Variants in RAI1 observed in about 807,000 individuals in gnomAD.
The protein encoded by RAI1 is retinoic acid-induced protein 1.
A neutral mutation model predicts 123.8 loss-of-function variants in RAI1; 9 were observed. The ratio of observed to expected loss-of-function variants is 0.07; its 90% CI spans 0.04 to 0.13. The LOEUF (loss-of-function observed/expected upper bound fraction) is 0.13, where lower values mean the gene tolerates loss of function less well. Ranked by LOEUF, RAI1 falls within the 10% of genes least tolerant of loss-of-function variation. The pLI is 1.00. For synonymous variants in RAI1, 1,231 were observed against 1,127.3 expected, an observed-to-expected ratio of 1.09 and a Z score of -1.84; for missense variants, 2,256 against 2,545.8, an observed-to-expected ratio of 0.89 and a Z score of 2.45.
At chr17:17,721,866 G>A (rs916109496) in intron 1 of RAI1, among the ~76,000 whole-genome samples, 1 of 152,200 alleles carries the variant, frequency 6.6e-6, no homozygotes, top group Non-Finnish European at 1.5e-5. Flanking sequence ...CTTCTGGTAG[G>A]GAGGGCTGCT....
rs540448808 is a variant in RAI1, at chr17:17,716,092, C to T, written c.-148-7936C>T. On this transcript the variant is annotated intron_variant, in intron 1 of 5. Transcript: ENST00000353383. Reference sequence around the variant, plus strand: ...CCAGGCAGGAGCTGTAGCCACCAGTCGGGACAAAGTCAGGGGACTTGAGAG... The same window carrying T: ...CCAGGCAGGAGCTGTAGCCACCAGTTGGGACAAAGTCAGGGGACTTGAGAG... Among the ~76,000 whole-genome samples the T allele has an allele frequency of 8.3e-4, 126 of 152,284 alleles. 1 individual carries two copies. Among genetic ancestry groups the T allele is most frequent in the African/African-American group, 2.8e-3 (118 of 41,550 alleles).
chr17:17,733,306 A>G (rs1424324342), intron 2 of RAI1, among the ~76,000 whole-genome samples: 1 of 152,232 alleles, frequency 6.6e-6, no homozygotes, highest in Non-Finnish European at 1.5e-5. Context: ...GCCAGAAAGA[A>G]AAAGAAAGGG....
chr17:17,806,403 A>G lies in RAI1; in HGVS notation c.5659+2554A>G, dbSNP rs143523697. Reference sequence around the variant, plus strand: ...GACTGGGAATGCTGCAAATGGAGACATACACCTCAGAGACTGAGTTGGCAC... The same window carrying G: ...GACTGGGAATGCTGCAAATGGAGACGTACACCTCAGAGACTGAGTTGGCAC... On this transcript the variant is annotated intron_variant, in intron 4 of 5. Transcript: ENST00000353383. Among the ~76,000 whole-genome samples the G allele has an allele frequency of 4.0e-4, 61 of 152,360 alleles. No individual in the cohort carries two copies. In the Middle Eastern group the frequency reaches 0.01, roughly 25 times the overall value.
chr17:17,776,710 C>G (rs1335496802), intron 2 of RAI1: 1 of 135,028 alleles, frequency 7.4e-6, no homozygotes, highest in Non-Finnish European at 1.5e-5. Context: ...CTCTGTCGCC[C>G]AGACTGTGCA....
rs550868299 is a variant in RAI1 at position 17,811,279 on chromosome 17, CTG to C, written c.*1300_*1301del. On this transcript the variant is annotated 3_prime_UTR_variant, in exon 6 of 6. Coordinates refer to ENST00000353383, the MANE Select transcript of RAI1 (RefSeq NM_030665.4). The stretch of plus-strand genomic sequence containing the variant: ...TACATATATATAATATATATGAAGA[CTG>C]TAAATGTTAAGACGACTAGTGTTCT... 11 of 312,050 alleles carry C rather than the reference CTG, an allele frequency of 3.5e-5. No individual in the cohort carries two copies. The highest frequency in any genetic ancestry group is 1.0e-4 in the East Asian group (1 of 10,000). The allele number at this position is 312,050 out of a possible 1,614,324, so 19.3% of individuals were successfully genotyped here. A position where few individuals can be genotyped will look rare whatever the true frequency, so the allele number is the denominator to read the frequency against.
chr17:17,692,687 A>G (rs775461033), intron 1 of RAI1, among the ~76,000 whole-genome samples: 4 of 152,266 alleles, frequency 2.6e-5, no homozygotes, highest in Non-Finnish European at 5.9e-5. Flanking sequence ...TCAGACAGCC[A>G]TGAGCTTGGC....
In RAI1 at chr17:17,795,002, G is replaced by A. The variant is rs2032177356; in HGVS notation, c.2054G>A (p.Gly685Glu). The change falls in exon 3 of 6, where the codon GGG (glycine) becomes GAG (glutamate). Residue 685 changes from glycine (G) to glutamate (E), a missense_variant. Coordinates refer to ENST00000353383, the MANE Select transcript of RAI1 (RefSeq NM_030665.4). The surrounding 1 kb of genome is among the most constrained non-coding windows in gnomAD (Gnocchi z 5.9). Reference protein sequence around the residue: ...KGGNAKDFSPGLFEDPSVAFA... With the variant: ...KGGNAKDFSPELFEDPSVAFA... ...GGCAATGCCAAGGACTTCAGCCCAG[G>A]GCTGTTTGAAGACCCTTCCGTGGCC... 2 of 1,613,964 alleles carry A rather than the reference G, an allele frequency of 1.2e-6. No homozygotes were observed. The highest frequency in any genetic ancestry group is 3.3e-5 in the Admixed American group (2 of 60,010).
At chr17:17,807,666 TG>T (rs1295029774) in intron 4 of RAI1, among the ~76,000 whole-genome samples, 1 of 152,206 alleles carries the variant, frequency 6.6e-6, no homozygotes, top group African/African-American at 2.4e-5. Flanking sequence ...GGGGTGGTGC[TG>T]GGGCAGTGCT....
intron 1 of RAI1, among the ~76,000 whole-genome samples, chr17:17,720,234 AT>A (rs936591794): frequency 6.6e-6 from 1 of 152,340 alleles, no homozygotes; most frequent in East Asian, 1.9e-4. Context: ...GAAAGCAGCT[AT>A]TGAGATAGTG....
At chr17:17,775,268 A>G (rs1266415229) in intron 2 of RAI1, among the ~76,000 whole-genome samples, 1 of 150,168 alleles carries the variant, frequency 6.7e-6, no homozygotes, top group African/African-American at 2.5e-5. Flanking sequence ...CGGTGGCACA[A>G]TCTCTGCTCA....
chr17:17,789,327 C>T (rs75635000), intron 2 of RAI1, among the ~76,000 whole-genome samples: 2,795 of 152,322 alleles, frequency 0.018, 86 homozygotes, highest in African/African-American at 0.063. Flanking sequence ...TTAATCAAAC[C>T]GTTGTTCAAG....
At chr17:17,706,101 C>A (rs552058469) in intron 1 of RAI1, among the ~76,000 whole-genome samples, 3 of 151,376 alleles carry the variant, frequency 2.0e-5, no homozygotes, top group Non-Finnish European at 2.9e-5. Context: ...CCTGAGGTAG[C>A]GCACAGGCCA....
In RAI1 at chr17:17,809,146, G is replaced by C. The variant is rs2032654680; in HGVS notation, c.5660-244G>C. On this transcript the variant is annotated intron_variant, in intron 4 of 5. Coordinates refer to ENST00000353383, the MANE Select transcript of RAI1 (RefSeq NM_030665.4). This position sits in a 1 kb window ranked among gnomAD's most constrained non-coding sequence, Gnocchi z 4.9. ...AGGAGGGGCGGCACGTGGAACTCAGGGGGAAAAGCTCTCCGCGGAGGAGGT... is the reference window on the plus strand; with the variant it reads ...AGGAGGGGCGGCACGTGGAACTCAGCGGGAAAAGCTCTCCGCGGAGGAGGT... The C allele has an allele frequency of 3.4e-6, 2 of 592,920 alleles. No homozygotes were observed. Among genetic ancestry groups the C allele is most frequent in the Non-Finnish European group, 6.1e-6 (2 of 327,252 alleles). The allele number at this position is 592,920 out of a possible 1,614,324, so 36.7% of individuals were successfully genotyped here.
rs759606531 is a variant in RAI1 at position 17,685,843 on chromosome 17, T to C, written c.-149+4050T>C. Among the ~76,000 whole-genome samples, 45 of 152,192 alleles carry C rather than the reference T, an allele frequency of 3.0e-4. No homozygotes were observed. Among genetic ancestry groups the C allele is most frequent in the Non-Finnish European group, 5.6e-4 (38 of 68,034 alleles). ...GTCCCCTCCAGCCACAGCTGGCACC[T>C]CCTTGTTAAGGTGCAGCCATGTGCA... On this transcript the variant is annotated intron_variant, in intron 1 of 5. Coordinates refer to ENST00000353383, the MANE Select transcript of RAI1 (RefSeq NM_030665.4). The surrounding 1 kb of genome is among the most constrained non-coding windows in gnomAD (Gnocchi z 4.0).
chr17:17,686,324 G>A (rs1189319616), intron 1 of RAI1, among the ~76,000 whole-genome samples: 2 of 151,438 alleles, frequency 1.3e-5, no homozygotes, highest in African/African-American at 4.9e-5. Context: ...TGGTGGGGTC[G>A]GGGGGCAGGG....
At chr17:17,688,491 A>AAT (rs201487071) in intron 1 of RAI1, among the ~76,000 whole-genome samples, 9,191 of 120,122 alleles carry the variant, frequency 0.077, 572 homozygotes, top group African/African-American at 0.2. Flanking sequence ...TCTCAATGAT[A>AAT]AATAAATAAA....
At chr17:17,786,269 G>A (rs532553718) in intron 2 of RAI1, among the ~76,000 whole-genome samples, 26 of 152,336 alleles carry the variant, frequency 1.7e-4, no homozygotes, top group African/African-American at 6.3e-4. Context: ...CCACCCACAT[G>A]TGCTCTGTGT....
intron 1 of RAI1, among the ~76,000 whole-genome samples, chr17:17,700,451 G>C (rs572233928): frequency 5.1e-4 from 77 of 151,962 alleles, no homozygotes; most frequent in Middle Eastern, 3.4e-3. Context: ...CCCTGCGGGG[G>C]TGGCCGCCAT....
intron 2 of RAI1, among the ~76,000 whole-genome samples, chr17:17,771,688 G>C (rs1213018240): frequency 6.6e-6 from 1 of 152,228 alleles, no homozygotes; most frequent in East Asian, 1.9e-4. Context: ...CCGAGGAGCT[G>C]CTGGGGTTGA....
Sources: gnomAD v4.1 joint callset for allele counts (sites outside exome capture counted in the v4.1 genomes callset) on GRCh38, gnomAD v4.1.1 for gene constraint, Gnocchi (gnomAD v3.1) non-coding constraint, MANE v1.5 for transcripts, NCBI Gene and HGNC (gene_info 2026-07-23, HGNC 2026-07-21) for gene names.